The following REC114 variants were observed in gnomAD, a reference collection of about 807,000 sequenced individuals.
REC114 encodes the protein REC114 meiotic recombination protein, also known as meiotic recombination protein REC114.
In REC114, 27 loss-of-function variants were observed where a neutral mutation model predicts 31.3. The observed-to-expected ratio is 0.86, with a 90% CI of 0.64 to 1.19. The LOEUF (loss-of-function observed/expected upper bound fraction) is 1.19, where lower values mean the gene tolerates loss of function less well. REC114 is among the 50% of genes most tolerant of loss of function. The probability of loss-of-function intolerance (pLI) is 0.00; values close to 1 mark genes in which losing one functional copy is unlikely to be tolerated. For missense variants in REC114, 344 were observed against 326.9 expected, an observed-to-expected ratio of 1.05 and a Z score of -0.40; for synonymous variants, 134 against 127.7, an observed-to-expected ratio of 1.05 and a Z score of -0.33.
intron 2 of REC114, among the ~76,000 whole-genome samples, chr15:73,533,584 A>G (rs1443190841): frequency 6.7e-6 from 1 of 149,830 alleles, no homozygotes; most frequent in East Asian, 2.0e-4. Flanking sequence ...ACACATTAAT[A>G]ATGGGAGACT....
rs79953986 is a variant in REC114, at chr15:73,519,333, C to T, written c.250-21152C>T. 9.8e-3 allele frequency among the ~76,000 whole-genome samples: 1,488 copies of T among 152,284 alleles called. 29 individuals carry two copies. The highest frequency in any genetic ancestry group is 0.034 in the African/African-American group (1,425 of 41,558). On this transcript the variant is annotated intron_variant, in intron 2 of 5. Transcript: ENST00000331090. ...ACGATGAGAAAATGTCATCTTTCAA[C>T]CAGAGAGCAAGCCCTCATCAGACAC...
At chr15:73,537,717 A>G (rs1372531781) in intron 2 of REC114, among the ~76,000 whole-genome samples, 1 of 152,228 alleles carries the variant, frequency 6.6e-6, no homozygotes, top group Non-Finnish European at 1.5e-5. Context: ...TCCAGCACAA[A>G]TGTTTGCACA....
chr15:73,483,086 T>G (rs1476506177), intron 2 of REC114: 2 of 152,226 alleles, frequency 1.3e-5, no homozygotes, highest in Non-Finnish European at 2.9e-5. Context: ...GATTTGTGTT[T>G]CTCTAATGAT....
chr15:73,496,811 T>A (rs1385036393), intron 2 of REC114, among the ~76,000 whole-genome samples: 1 of 152,186 alleles, frequency 6.6e-6, no homozygotes, highest in East Asian at 1.9e-4. Flanking sequence ...TTATTCAAAA[T>A]TTGAAGTTGT....
chr15:73,526,659 C>T (rs954705909), intron 2 of REC114, among the ~76,000 whole-genome samples: 24 of 152,144 alleles, frequency 1.6e-4, no homozygotes, highest in African/African-American at 5.6e-4. Flanking sequence ...ATAGCTTCTT[C>T]AATACCCTTT....
At chr15:73,467,452 T>A (rs1476187418) in intron 1 of REC114, among the ~76,000 whole-genome samples, 1 of 152,234 alleles carries the variant, frequency 6.6e-6, no homozygotes, top group African/African-American at 2.4e-5. Context: ...TGCATCACCA[T>A]TTCACACTTG....
chr15:73,550,705 G>A (rs1308206747), intron 3 of REC114, among the ~76,000 whole-genome samples: 1 of 152,176 alleles, frequency 6.6e-6, no homozygotes, highest in Non-Finnish European at 1.5e-5. Flanking sequence ...CTTTTCCACT[G>A]TTGCTGATGT....
In REC114 at chr15:73,443,319, G is replaced by A. The variant is rs541072358; in HGVS notation, c.134G>A (p.Gly45Glu). Residue 45 changes from glycine to glutamate, a missense_variant, in exon 1 of 6, where the codon GGG (glycine) becomes GAG (glutamate). Gly to Glu is a moderately conservative substitution (Grantham distance 98). Coordinates refer to ENST00000331090, the MANE Select transcript of REC114 (RefSeq NM_001042367.2). Reference sequence around the variant, plus strand: ...CCACCTGGGCCATGCCTGGAAGCTGGGACAGCCCCCTGCCCCACATGGAAG... The same window carrying A: ...CCACCTGGGCCATGCCTGGAAGCTGAGACAGCCCCCTGCCCCACATGGAAG... ...RDPPGPCLEA[G>E]TAPCPTWKVF... is the part of the protein sequence containing the mutation. 1.3e-6 allele frequency: 2 copies of A among 1,582,448 alleles called. No individual in the cohort carries two copies. The highest frequency in any genetic ancestry group is 1.3e-5 in the African/African-American group (1 of 74,408).
intron 1 of REC114, among the ~76,000 whole-genome samples, chr15:73,471,025 C>T (rs990351208): frequency 4.6e-5 from 7 of 152,090 alleles, no homozygotes; most frequent in Non-Finnish European, 1.0e-4. Context: ...CCGTGGAGTG[C>T]GTTGCAGGAG....
chr15:73,474,702 G>A (rs1263014411), intron 2 of REC114, among the ~76,000 whole-genome samples: 1 of 152,166 alleles, frequency 6.6e-6, no homozygotes, highest in African/African-American at 2.4e-5. Context: ...GAACAGTGAA[G>A]ACAGAAATCT....
At chr15:73,468,664 T>C (rs1427264392) in intron 1 of REC114, among the ~76,000 whole-genome samples, 1 of 150,848 alleles carries the variant, frequency 6.6e-6, no homozygotes, top group Non-Finnish European at 1.5e-5. Context: ...GCTTTCAGTA[T>C]GAAGTTAGCT....
Position 73,443,251 on chromosome 15 carries a change from T to C in REC114, c.66T>C (p.Pro22=). Residue 22 remains proline (P), a synonymous_variant, in exon 1 of 6, where the codon CCT becomes CCC. Transcript: ENST00000331090. ...GLTGGEAAEW[P]LQRYARCIPS... is the part of the protein sequence containing the mutation. ...CCGGAGGAGAAGCGGCAGAGTGGCC[T>C]CTGCAGCGGTACGCCCGCTGCATAC... 6.4e-7 allele frequency: 1 copy of C among 1,573,108 alleles called. No individual in the cohort carries two copies. The highest frequency in any genetic ancestry group is 8.6e-7 in the Non-Finnish European group (1 of 1,160,288).
chr15:73,520,037 C>T (rs1046817855), intron 2 of REC114, among the ~76,000 whole-genome samples: 2 of 152,078 alleles, frequency 1.3e-5, no homozygotes, highest in Admixed American at 1.3e-4. Context: ...TGAAAAAGTT[C>T]TGGAGATCTG....
At chr15:73,521,525 C>CA (rs1036900732) in intron 2 of REC114, among the ~76,000 whole-genome samples, 63 of 150,780 alleles carry the variant, frequency 4.2e-4, no homozygotes, top group African/African-American at 1.5e-3. Context: ...AAATGTATAA[C>CA]AAAAAAAATC....
At chr15:73,515,236 T>G (rs975512985) in intron 2 of REC114, among the ~76,000 whole-genome samples, 15 of 152,174 alleles carry the variant, frequency 9.9e-5, no homozygotes, top group African/African-American at 3.6e-4. Context: ...TAGCCAGATT[T>G]CTTTTTCTTT....
intron 5 of REC114, among the ~76,000 whole-genome samples, chr15:73,558,381 A>G (rs1038499820): frequency 6.6e-6 from 1 of 152,228 alleles, no homozygotes; most frequent in Non-Finnish European, 1.5e-5. Context: ...ACAGAACTGG[A>G]GCCCATCATC....
chr15:73,521,402 T>C (rs2141320111), intron 2 of REC114, among the ~76,000 whole-genome samples: 1 of 152,174 alleles, frequency 6.6e-6, no homozygotes, highest in East Asian at 1.9e-4. Flanking sequence ...TTAGAAAAGA[T>C]GTAAGAGTGA....
intron 2 of REC114, among the ~76,000 whole-genome samples, chr15:73,479,451 T>G (rs1298736610): frequency 2.6e-5 from 4 of 151,894 alleles, no homozygotes; most frequent in African/African-American, 4.8e-5. Context: ...TGAGAATATT[T>G]AAGATCTATT....
rs1448625444 is a variant in REC114, at chr15:73,513,736, T to C, written c.250-26749T>C. 5.7e-3 allele frequency among the ~76,000 whole-genome samples: 856 copies of C among 151,000 alleles called. 6 individuals carry two copies. Among genetic ancestry groups the C allele is most frequent in the African/African-American group, 0.02 (816 of 41,362 alleles). On this transcript the variant is annotated intron_variant, in intron 2 of 5. Coordinates refer to ENST00000331090, the MANE Select transcript of REC114 (RefSeq NM_001042367.2). ...GTGTCAGTGTGCCCCTGCTGGGGGGTGCCTCCCAGTTAGGCTGCTCGGGGG... is the reference window on the plus strand; with the variant it reads ...GTGTCAGTGTGCCCCTGCTGGGGGGCGCCTCCCAGTTAGGCTGCTCGGGGG...
Sources: gnomAD v4.1 joint callset for allele counts (sites outside exome capture counted in the v4.1 genomes callset) on GRCh38, gnomAD v4.1.1 for gene constraint, MANE v1.5 for transcripts, NCBI Gene and HGNC (gene_info 2026-07-23, HGNC 2026-07-21) for gene names.